ROR1: variants seen among roughly 807,000 people sequenced by gnomAD.
ROR1 encodes inactive tyrosine-protein kinase transmembrane receptor ROR1.
In ROR1, 19 loss-of-function variants were observed where a neutral mutation model predicts 78.8. That is an observed-to-expected ratio of 0.24 (90% CI 0.17 to 0.35). The LOEUF (loss-of-function observed/expected upper bound fraction) is 0.35. ROR1 is among the 10% of genes least tolerant of loss of function. The pLI, the probability that ROR1 is intolerant of heterozygous loss-of-function variation, is 1.00. For synonymous variants in ROR1, 386 were observed against 433.6 expected (o/e 0.89, Z 1.36); for missense variants, 917 against 1,177.8 (o/e 0.78, Z 3.24).
intron 2 of ROR1, among the ~76,000 whole-genome samples, chr1:64,042,334 C>A (rs1646751553): frequency 6.6e-6 from 1 of 152,184 alleles, no homozygotes; most frequent in African/African-American, 2.4e-5. Flanking sequence ...TTAACCCCCA[C>A]AACATCCCTA....
At chr1:63,994,133 C>A (rs1433773678) in intron 1 of ROR1, among the ~76,000 whole-genome samples, 1 of 151,944 alleles carries the variant, frequency 6.6e-6, no homozygotes, top group Non-Finnish European at 1.5e-5. Flanking sequence ...GTTTAAAGAC[C>A]ACTTACATTT....
chr1:63,781,275 T>TA (rs1557493009), intron 1 of ROR1, among the ~76,000 whole-genome samples: 3 of 152,226 alleles, frequency 2.0e-5, no homozygotes, highest in Admixed American at 6.5e-5. Context: ...GCACCTGCTA[T>TA]ATGCCAGGTA....
At chr1:64,026,712 TGA>T (rs1459003230) in intron 2 of ROR1, among the ~76,000 whole-genome samples, 3 of 152,034 alleles carry the variant, frequency 2.0e-5, no homozygotes, top group African/African-American at 4.8e-5. Flanking sequence ...TGGCGGCATG[TGA>T]GAGAGAGTGT....
chr1:64,130,354 C>T (rs911501247), intron 4 of ROR1, among the ~76,000 whole-genome samples: 18 of 152,058 alleles, frequency 1.2e-4, no homozygotes, highest in Non-Finnish European at 1.5e-4. Flanking sequence ...ACTTTCAGAC[C>T]GGTCTTTAGA....
chr1:64,160,411 T>C (rs528179843), intron 8 of ROR1, among the ~76,000 whole-genome samples: 6 of 152,056 alleles, frequency 3.9e-5, no homozygotes, highest in Non-Finnish European at 8.8e-5. Flanking sequence ...GTATATATTC[T>C]GTATTCAGCA....
chr1:64,132,805 A>T (rs1054346135), intron 4 of ROR1, among the ~76,000 whole-genome samples: 49 of 149,222 alleles, frequency 3.3e-4, no homozygotes, highest in Non-Finnish European at 3.6e-4. Context: ...TAGGCATTTT[A>T]ACTGAAATTA....
Position 64,179,021 on chromosome 1 carries a change from C to CCA in ROR1, c.*167_*168dup. 2.1e-5 allele frequency: 4 copies of CCA among 188,624 alleles called. No individual in the cohort carries two copies. Among genetic ancestry groups the CCA allele is most frequent in the Middle Eastern group, 1.4e-3 (1 of 718 alleles). The allele number at this position is 188,624 out of a possible 1,614,324, so 11.7% of individuals were successfully genotyped here. On this transcript the variant is annotated 3_prime_UTR_variant, in exon 9 of 9. Transcript: ENST00000371079. ...CTTACCAAGCAGGACAGACACTCGG[C>CCA]CAGAAAAAAAAAAAAAAAAAAAAAA...
At chr1:63,985,097 A>G (rs1045924837) in intron 1 of ROR1, among the ~76,000 whole-genome samples, 1 of 152,064 alleles carries the variant, frequency 6.6e-6, no homozygotes, top group Non-Finnish European at 1.5e-5. Context: ...TAAGCTGTTA[A>G]ATTTTTTGAG....
chr1:63,864,017 G>A (rs1218757783), intron 1 of ROR1, among the ~76,000 whole-genome samples: 1 of 152,092 alleles, frequency 6.6e-6, no homozygotes, highest in Non-Finnish European at 1.5e-5. Flanking sequence ...ATAGCAGCTA[G>A]CATTTATTTG....
At chr1:63,775,564 C>T (rs999615254) in intron 1 of ROR1, 9 of 152,154 alleles carry the variant, frequency 5.9e-5, no homozygotes, top group African/African-American at 1.9e-4. Flanking sequence ...GCTCTTTTAT[C>T]ATGCATCTTT....
chr1:63,787,329 T>C (rs1211990079), intron 1 of ROR1, among the ~76,000 whole-genome samples: 1 of 152,222 alleles, frequency 6.6e-6, no homozygotes, highest in Non-Finnish European at 1.5e-5. Flanking sequence ...TTTGCAATAA[T>C]TGTCACTGTC....
chr1:64,060,977 A>G (rs1646912771), intron 4 of ROR1, among the ~76,000 whole-genome samples: 1 of 152,308 alleles, frequency 6.6e-6, no homozygotes, highest in South Asian at 2.1e-4. Context: ...TGTGCAGGGT[A>G]CATTTAAAGG....
At chr1:63,932,420 C>T (rs960629657) in intron 1 of ROR1, among the ~76,000 whole-genome samples, 2 of 152,114 alleles carry the variant, frequency 1.3e-5, no homozygotes, top group African/African-American at 4.8e-5. Context: ...GGCCTCCCTT[C>T]CTTCAGCCCA....
intron 4 of ROR1, among the ~76,000 whole-genome samples, chr1:64,111,727 A>G (rs770062219): frequency 3.3e-5 from 5 of 152,246 alleles, no homozygotes; most frequent in Non-Finnish European, 7.3e-5. Context: ...GGTGCCACAT[A>G]GAGGGAAAAA....
At chr1:64,141,353 A>AGGAGCAAG (rs1553161226) in intron 6 of ROR1, among the ~76,000 whole-genome samples, 23,537 of 151,744 alleles carry the variant, frequency 0.16, 2,077 homozygotes, top group Non-Finnish European at 0.2. Context: ...TGGCAGGAGC[A>AGGAGCAAG]AGAGAGTGAG....
At chr1:63,829,953 C>G (rs1009896811) in intron 1 of ROR1, among the ~76,000 whole-genome samples, 1 of 151,964 alleles carries the variant, frequency 6.6e-6, no homozygotes, top group Non-Finnish European at 1.5e-5. Context: ...AATCCTTAAG[C>G]TCCATGAAAT....
chr1:64,131,362 A>G (rs1413541793), intron 4 of ROR1, among the ~76,000 whole-genome samples: 1 of 152,170 alleles, frequency 6.6e-6, no homozygotes, highest in Non-Finnish European at 1.5e-5. Context: ...TTCCATTTGA[A>G]GAGCCATGAG....
At chr1:64,085,658 A>T (rs1647146463) in intron 4 of ROR1, among the ~76,000 whole-genome samples, 1 of 152,206 alleles carries the variant, frequency 6.6e-6, no homozygotes. Flanking sequence ...AGTTTCCCCA[A>T]GCAGCAAGGA....
At position 64,049,877 on chromosome 1, in the gene ROR1, G is replaced by A. The variant is rs370299866; in HGVS notation, c.350G>A (p.Arg117Gln). The A allele has an allele frequency of 6.8e-6, 11 of 1,614,040 alleles. No individual in the cohort carries two copies. The highest frequency in any genetic ancestry group is 1.3e-5 in the African/African-American group (1 of 74,912). Residue 117 changes from arginine (R) to glutamine (Q), a missense_variant, in exon 3 of 9, where the codon CGG (arginine) becomes CAG (glutamine). By Grantham distance (43) the Arg-to-Gln change is conservative. This residue lies in a region of ROR1 where 835 missense variants were observed against 1,069.8 expected (regional missense o/e 0.78). Coordinates refer to ENST00000371079, the MANE Select transcript of ROR1 (RefSeq NM_005012.4). ...TCCACCATCTATGGCTCTCGGCTGC[G>A]GATTAGAAACCTCGACACCACAGAC... is the stretch of plus-strand genomic sequence containing the variant. ...FRSTIYGSRL[R>Q]IRNLDTTDTG...
Sources: gnomAD v4.1 joint callset for allele counts (sites outside exome capture counted in the v4.1 genomes callset) on GRCh38, gnomAD v4.1.1 for gene constraint, gnomAD v4.1.1 regional missense constraint, MANE v1.5 for transcripts, NCBI Gene and HGNC (gene_info 2026-07-23, HGNC 2026-07-21) for gene names.